The following AFAP1L2 variants were observed in gnomAD, a reference collection of about 807,000 sequenced individuals.
The protein encoded by AFAP1L2 is actin filament associated protein 1 like 2, also known as actin filament-associated protein 1-like 2.
In AFAP1L2, 46 loss-of-function variants were observed where a neutral mutation model predicts 99.3. The ratio of observed to expected loss-of-function variants is 0.46; its 90% CI spans 0.37 to 0.59. The LOEUF (loss-of-function observed/expected upper bound fraction) is 0.59. AFAP1L2 is among the 20% of genes least tolerant of loss of function. The pLI is 0.00. For synonymous variants in AFAP1L2, 397 were observed against 419.1 expected, an observed-to-expected ratio of 0.95 and a Z score of 0.64; for missense variants, 959 against 1,034.9, an observed-to-expected ratio of 0.93 and a Z score of 1.01.
downstream of AFAP1L2, chr10:114,291,115 G>C: frequency 7.4e-7 from 1 of 1,349,252 alleles, no homozygotes; most frequent in Admixed American, 2.0e-5. Context: ...GGCGAGGTGG[G>C]TTGTAGAGTA....
At chr10:114,284,862 G>C in the AFAP1L2 span, 1 of 1,606,686 alleles carries the variant, frequency 6.2e-7, no homozygotes, top group Non-Finnish European at 8.5e-7. Flanking sequence ...CTCTCTGATA[G>C]GCCCCTGTGA....
In AFAP1L2 at chr10:114,347,668, G is replaced by A. The variant is rs7899193; in HGVS notation, c.17-6937C>T. Among the ~76,000 whole-genome samples the A allele has an allele frequency of 6.0e-3, 915 of 151,952 alleles. 11 individuals are homozygous for A. The highest frequency in any genetic ancestry group is 0.021 in the African/African-American group (885 of 41,440). On this transcript the variant is annotated intron_variant, in intron 1 of 18. Transcript: ENST00000304129. The stretch of plus-strand genomic sequence containing the variant: ...TGGGACTATAGGCATGTACCACCAC[G>A]CCCTGCTAATTTTTAAATTTTTTGT...
intron 1 of AFAP1L2, among the ~76,000 whole-genome samples, chr10:114,400,491 C>G (rs11196725): frequency 6.6e-6 from 1 of 152,164 alleles, no homozygotes; most frequent in African/African-American, 2.4e-5. Context: ...CATTTGAGAT[C>G]GTTTTTAAGC....
At chr10:114,312,788 T>C (rs1324374240) in intron 7 of AFAP1L2, among the ~76,000 whole-genome samples, 1 of 152,210 alleles carries the variant, frequency 6.6e-6, no homozygotes, top group Non-Finnish European at 1.5e-5. Context: ...TTTTTCTACA[T>C]ACCACTGTCT....
At chr10:114,313,775 C>T (rs1177801508) in intron 7 of AFAP1L2, 96 bp downstream of exon 7, 2 of 1,299,598 alleles carry the variant, frequency 1.5e-6, no homozygotes, top group South Asian at 1.6e-5. Flanking sequence ...TGAAGGATCA[C>T]AAATCCTCTA....
At chr10:114,404,105 C>T (rs2058494792) in intron 1 of AFAP1L2, among the ~76,000 whole-genome samples, 4 of 152,200 alleles carry the variant, frequency 2.6e-5, no homozygotes, top group Admixed American at 2.6e-4. Context: ...CGGCCCCAGG[C>T]ATCTTTCCTG....
rs141994175 is a variant in AFAP1L2 at position 114,311,350 on chromosome 10, ATTAG to A, written c.793-911_793-908del. Among the ~76,000 whole-genome samples, 28 of 152,354 alleles carry A rather than the reference ATTAG, an allele frequency of 1.8e-4. 1 individual carries two copies. In the East Asian group the frequency reaches 5.4e-3, roughly 29 times the overall value. ...CCTGGAAGCCCTTTGGAAACGCAGAATTAGTTAGAGTGATTTCATAGATCCCCCT... is the reference window on the plus strand; with the variant it reads ...CCTGGAAGCCCTTTGGAAACGCAGAATTAGAGTGATTTCATAGATCCCCCT... On this transcript the variant is annotated intron_variant, in intron 7 of 18. Coordinates refer to ENST00000304129, the MANE Select transcript of AFAP1L2 (RefSeq NM_001001936.3).
At chr10:114,384,931 T>C (rs1293683515) in intron 1 of AFAP1L2, among the ~76,000 whole-genome samples, 1 of 152,216 alleles carries the variant, frequency 6.6e-6, no homozygotes, top group Non-Finnish European at 1.5e-5. Context: ...TGCCCACCTG[T>C]GTGCCAGACA....
chr10:114,327,174 T>TATATATA lies in AFAP1L2; in HGVS notation c.316-3914_316-3913insTATATAT, dbSNP rs1491529827. 6.8e-4 allele frequency among the ~76,000 whole-genome samples: 41 copies of TATATATA among 60,644 alleles called. 1 individual carries two copies. The highest frequency in any genetic ancestry group is 9.6e-4 in the African/African-American group (21 of 21,872). The allele number at this position is 60,644 out of a possible 152,430, so 39.8% of individuals were successfully genotyped here. A position where few individuals can be genotyped will look rare whatever the true frequency, so the allele number is the denominator to read the frequency against. On this transcript the variant is annotated intron_variant, in intron 4 of 18. Transcript: ENST00000304129. ...ATATATATATATATATATATATATA[T>TATATATA]TTTTTTTTTAGGCAGAGTCTCACTG...
chr10:114,291,477 A>T, downstream of AFAP1L2: 1 of 526,146 alleles, frequency 1.9e-6, no homozygotes, highest in Non-Finnish European at 3.3e-6. Flanking sequence ...ATGTTGTTGA[A>T]AAGTTTTGAT....
intron 2 of AFAP1L2, among the ~76,000 whole-genome samples, chr10:114,340,230 G>C (rs1590319091): frequency 6.6e-6 from 1 of 151,542 alleles, no homozygotes; most frequent in East Asian, 1.9e-4. Context: ...TGTAGACCCA[G>C]CTACTTGGGA....
the AFAP1L2 span, chr10:114,286,589 A>G: frequency 3.9e-6 from 5 of 1,272,688 alleles, no homozygotes; most frequent in East Asian, 7.4e-5. Flanking sequence ...CCTAACCATC[A>G]TTTTCTGCCA....
intron 1 of AFAP1L2, among the ~76,000 whole-genome samples, chr10:114,396,942 C>A (rs1462321156): frequency 1.3e-5 from 2 of 152,150 alleles, no homozygotes; most frequent in Admixed American, 6.5e-5. Context: ...TACCAAATTT[C>A]TCACCCTTTT....
At chr10:114,350,845 G>A (rs947775173) in intron 1 of AFAP1L2, among the ~76,000 whole-genome samples, 4 of 152,180 alleles carry the variant, frequency 2.6e-5, no homozygotes, top group Non-Finnish European at 4.4e-5. Context: ...GGGCACGTGA[G>A]GGCAGACTCA....
At chr10:114,305,823 GGCAGATCCAGGAGGGGAC>G (rs2042220305) in intron 10 of AFAP1L2, among the ~76,000 whole-genome samples, 1 of 100,132 alleles carries the variant, frequency 1.0e-5, no homozygotes, top group Non-Finnish European at 2.0e-5. Flanking sequence ...CAGGAGGGGA[GGCAGATCCAGGAGGGGAC>G]GCGGGTGCAG....
chr10:114,350,435 T>C (rs1225951382), intron 1 of AFAP1L2, among the ~76,000 whole-genome samples: 1 of 152,230 alleles, frequency 6.6e-6, no homozygotes, highest in Non-Finnish European at 1.5e-5. Flanking sequence ...TCCCCCTCTG[T>C]GCCTAGATAG....
At chr10:114,370,985 A>C (rs1400462779) in intron 1 of AFAP1L2, among the ~76,000 whole-genome samples, 1 of 152,240 alleles carries the variant, frequency 6.6e-6, no homozygotes, top group Non-Finnish European at 1.5e-5. Context: ...ACAGCAAGAC[A>C]ATATTAAACG....
chr10:114,369,594 C>CAAAA (rs34904418), intron 1 of AFAP1L2, among the ~76,000 whole-genome samples: 8 of 74,612 alleles, frequency 1.1e-4, no homozygotes, highest in African/African-American at 1.6e-4. Flanking sequence ...GACTCCGACT[C>CAAAA]AAAAAAAAAA....
intron 2 of AFAP1L2, among the ~76,000 whole-genome samples, chr10:114,338,177 G>A (rs1396161170): frequency 6.6e-6 from 1 of 152,196 alleles, no homozygotes; most frequent in East Asian, 1.9e-4. Context: ...AACAGGGAAG[G>A]GGAAAGTCCT....
Sources: gnomAD v4.1 joint callset for allele counts (sites outside exome capture counted in the v4.1 genomes callset) on GRCh38, gnomAD v4.1.1 for gene constraint, MANE v1.5 for transcripts, NCBI Gene and HGNC (gene_info 2026-07-23, HGNC 2026-07-21) for gene names.